Variants in TVP23A observed in about 807,000 individuals in gnomAD.
The protein encoded by TVP23A is trans-golgi network vesicle protein 23 homolog A, also known as Golgi apparatus membrane protein TVP23 homolog A.
In TVP23A, 21 loss-of-function variants were observed where a neutral mutation model predicts 31.7. That is an observed-to-expected ratio of 0.66 (90% CI 0.47 to 0.95). TVP23A has a LOEUF of 0.95. Ranked by LOEUF, TVP23A falls within the 40% of genes least tolerant of loss-of-function variation. TVP23A has a pLI of 0.00. For missense variants in TVP23A, 279 were observed against 255.6 expected (o/e 1.09, Z -0.62); for synonymous variants, 104 against 96.0 (o/e 1.08, Z -0.49).
At chr16:10,764,409 G>A (rs1046940896), downstream of TVP23A, among the ~76,000 whole-genome samples, 1 of 150,086 alleles carries the variant, frequency 6.7e-6, no homozygotes, top group Non-Finnish European at 1.5e-5. Flanking sequence ...TGGAGTATTT[G>A]TCTATTGGAG....
At chr16:10,797,335 C>T (rs542825154) in intron 2 of TVP23A, among the ~76,000 whole-genome samples, 1 of 151,518 alleles carries the variant, frequency 6.6e-6, no homozygotes, top group Non-Finnish European at 1.5e-5. Flanking sequence ...TAGTTCGAGA[C>T]CAGCCTTACC....
At position 10,768,535 on chromosome 16, in the gene TVP23A, A is replaced by T. The variant is rs1372443139; in HGVS notation, c.*567T>A. 2 of 157,044 alleles carry T rather than the reference A, an allele frequency of 1.3e-5. No homozygotes were observed. Among genetic ancestry groups the T allele is most frequent in the African/African-American group, 4.8e-5 (2 of 41,518 alleles). The allele number at this position is 157,044 out of a possible 1,614,324, so 9.7% of individuals were successfully genotyped here. On this transcript the variant is annotated 3_prime_UTR_variant, in exon 8 of 8. Coordinates refer to ENST00000299866, the MANE Select transcript of TVP23A (RefSeq NM_001079512.4). This position sits in a 1 kb window ranked among gnomAD's most constrained non-coding sequence, Gnocchi z 4.3. Reference sequence around the variant, plus strand: ...GGCAGGAGAATCGCTTGAACCTGGGAGGCGGAGGCTGCAGTAAGGCGAGAT... The same window carrying T: ...GGCAGGAGAATCGCTTGAACCTGGGTGGCGGAGGCTGCAGTAAGGCGAGAT...
At chr16:10,795,369 G>A (rs2033331670) in intron 2 of TVP23A, among the ~76,000 whole-genome samples, 1 of 151,718 alleles carries the variant, frequency 6.6e-6, no homozygotes, top group African/African-American at 2.4e-5. Flanking sequence ...TCCTGCCTCA[G>A]CCTCCCGAGT....
intron 2 of TVP23A, 73 bp from the exon 3 acceptor site, chr16:10,775,169 C>T (rs1373446565): frequency 2.0e-6 from 3 of 1,529,788 alleles, no homozygotes; most frequent in Admixed American, 2.1e-5. Flanking sequence ...TTTACCACTT[C>T]AGACTTTGCT....
intron 2 of TVP23A, among the ~76,000 whole-genome samples, chr16:10,790,275 T>TA (rs2033024929): frequency 7.1e-6 from 1 of 140,986 alleles, no homozygotes; most frequent in Non-Finnish European, 1.5e-5. Context: ...TGTCTTGGGG[T>TA]AAAATTTTTT....
chr16:10,773,290 TGGAA>T lies in TVP23A; in HGVS notation c.453+19_453+22del. On this transcript the variant is annotated intron_variant, in intron 5 of 7. Transcript: ENST00000299866. ...TTTTTGCAGAGACATCAAAGCAATG[TGGAA>T]GTCAAGATCTGGCCTTACCAGCCAC... 1 of 1,580,384 alleles carries T rather than the reference TGGAA, an allele frequency of 6.3e-7. No homozygotes were observed. Among genetic ancestry groups the T allele is most frequent in the Non-Finnish European group, 8.6e-7 (1 of 1,168,222 alleles).
chr16:10,803,153 G>A (rs568529205), intron 2 of TVP23A, among the ~76,000 whole-genome samples: 5 of 152,030 alleles, frequency 3.3e-5, no homozygotes, highest in Admixed American at 2.0e-4. Context: ...GCGTGGTGGC[G>A]GGTGCCTGTA....
chr16:10,805,438 C>T (rs1027678605), intron 2 of TVP23A, among the ~76,000 whole-genome samples: 1 of 151,690 alleles, frequency 6.6e-6, no homozygotes, highest in African/African-American at 2.4e-5. Flanking sequence ...CTGACTGTCA[C>T]TTTGCAACTT....
rs992239028 is a variant in TVP23A, at chr16:10,767,312, T to C, written c.*1790A>G. 1.0e-4 allele frequency: 40 copies of C among 399,184 alleles called. No individual in the cohort carries two copies. Among genetic ancestry groups the C allele is most frequent in the African/African-American group, 8.0e-4 (39 of 48,584 alleles). 24.7% of individuals were successfully genotyped at this position (399,184 alleles called of 1,614,324 possible). On this transcript the variant is annotated 3_prime_UTR_variant, in exon 8 of 8. Transcript: ENST00000299866. The surrounding 1 kb of genome is among the most constrained non-coding windows in gnomAD (Gnocchi z 4.6). ...GGTCCTAGAGAAACCTGGGTGTGCA[T>C]AGGAGGGGACTGGAACAATGGCCAC...
At chr16:10,781,994 T>C (rs1017371646) in intron 2 of TVP23A, among the ~76,000 whole-genome samples, 2 of 151,046 alleles carry the variant, frequency 1.3e-5, no homozygotes, top group Non-Finnish European at 2.9e-5. Context: ...CCTGAGTAGC[T>C]GGGATTGCAG....
chr16:10,770,868 C>CAAAAAAAAAAAAAAAAAAAA (rs376701429), intron 6 of TVP23A, among the ~76,000 whole-genome samples: 1 of 66,460 alleles, frequency 1.5e-5, no homozygotes, highest in African/African-American at 5.3e-5. Flanking sequence ...ACTCCCATCT[C>CAAAAAAAAAAAAAAAAAAAA]AAAAAAAAAA....
rs138745983 is a variant in TVP23A, at chr16:10,770,308, C to T, written c.606G>A (p.Lys202=). The change falls in exon 7 of 8, where the codon AAG becomes AAA. Residue 202 remains lysine, a synonymous_variant. Coordinates refer to ENST00000299866, the MANE Select transcript of TVP23A (RefSeq NM_001079512.4). ...GAATCTCCAGCCCCTCGAGGCCAGG[C>T]TTCTGAAAGTCACCTGGGCAGGCCT... is the stretch of plus-strand genomic sequence containing the variant. ...FQTACPGDFQ[K]PGLEGLEIHQ... The T allele has an allele frequency of 6.4e-7, 1 of 1,551,266 alleles. No homozygotes were observed. Among genetic ancestry groups the T allele is most frequent in the South Asian group, 1.2e-5 (1 of 83,918 alleles).
At chr16:10,798,160 C>T (rs909794741) in intron 2 of TVP23A, among the ~76,000 whole-genome samples, 5 of 151,700 alleles carry the variant, frequency 3.3e-5, no homozygotes, top group Non-Finnish European at 7.4e-5. Context: ...CGGGTTTCAC[C>T]ATGTTAGCCA....
downstream of TVP23A, chr16:10,761,944 A>AGAGGGGCAATGGAAGGAG: frequency 9.4e-7 from 1 of 1,067,220 alleles, no homozygotes; most frequent in East Asian, 2.5e-5. Flanking sequence ...GCGGCTACAG[A>AGAGGGGCAATGGAAGGAG]GAGGGGCAAT....
intron 3 of TVP23A, among the ~76,000 whole-genome samples, chr16:10,774,341 T>C (rs539123953): frequency 4.6e-5 from 7 of 152,274 alleles, no homozygotes; most frequent in African/African-American, 1.4e-4. Flanking sequence ...ACAAAACATA[T>C]ATAATTTATA....
intron 5 of TVP23A, among the ~76,000 whole-genome samples, chr16:10,772,369 C>T (rs1050589376): frequency 1.3e-5 from 2 of 152,110 alleles, no homozygotes; most frequent in Non-Finnish European, 2.9e-5. Flanking sequence ...TTTGTTTTCT[C>T]TATTTATTGA....
chr16:10,793,901 CAAAAAAAAAA>C (rs61392688), intron 2 of TVP23A, among the ~76,000 whole-genome samples: 85 of 39,174 alleles, frequency 2.2e-3, no homozygotes, highest in African/African-American at 6.6e-3. Context: ...CCTGTCTCAC[CAAAAAAAAAA>C]AAAAAAAAAA....
At chr16:10,807,094 C>T (rs1347090724) in intron 2 of TVP23A, among the ~76,000 whole-genome samples, 1 of 152,140 alleles carries the variant, frequency 6.6e-6, no homozygotes, top group Non-Finnish European at 1.5e-5. Flanking sequence ...GACAATATAA[C>T]TTTGTTCCCC....
In TVP23A at chr16:10,773,498, G is replaced by A. The variant is rs76111475; in HGVS notation, c.325-57C>T. 8,517 of 1,526,126 alleles carry A rather than the reference G, an allele frequency of 5.6e-3. 35 individuals are homozygous for A. The highest frequency in any genetic ancestry group is 6.7e-3 in the Non-Finnish European group (7,583 of 1,135,890). 94.5% of individuals were successfully genotyped at this position (1,526,126 alleles called of 1,614,324 possible). On this transcript the variant is annotated intron_variant, in intron 4 of 7. Transcript: ENST00000299866. ...CAAGTGGAAATGGTTGCAAACGAGC[G>A]TGCTCACATTTTCATTTATTTTATT...
Sources: gnomAD v4.1 joint callset for allele counts (sites outside exome capture counted in the v4.1 genomes callset) on GRCh38, gnomAD v4.1.1 for gene constraint, Gnocchi (gnomAD v3.1) non-coding constraint, MANE v1.5 for transcripts, NCBI Gene and HGNC (gene_info 2026-07-23, HGNC 2026-07-21) for gene names.